The following DENND2D variants were observed in gnomAD, a reference collection of about 807,000 sequenced individuals.
DENND2D encodes the protein DENN domain-containing protein 2D.
A neutral mutation model predicts 59.8 loss-of-function variants in DENND2D; 37 were observed. The observed-to-expected ratio is 0.62, with a 90% CI of 0.48 to 0.81. The LOEUF (loss-of-function observed/expected upper bound fraction) is 0.81, where lower values mean the gene tolerates loss of function less well. DENND2D is among the 40% of genes least tolerant of loss of function. DENND2D has a pLI of 0.00. For synonymous variants in DENND2D, 219 were observed against 211.3 expected (o/e 1.04, Z -0.31); for missense variants, 525 against 579.7 (o/e 0.91, Z 0.97).
intron 6 of DENND2D, 174 bp downstream of exon 6, chr1:111,195,742 G>A (rs1658168062): frequency 2.4e-6 from 2 of 841,002 alleles, no homozygotes; most frequent in Non-Finnish European, 1.9e-6. Flanking sequence ...CAAGTTAGAA[G>A]GATCAGAAAA....
chr1:111,198,697 G>A lies in DENND2D; in HGVS notation c.289C>T (p.Leu97Phe). 6.2e-7 allele frequency: 1 copy of A among 1,614,190 alleles called. No individual in the cohort carries two copies. The highest frequency in any genetic ancestry group is 8.5e-7 in the Non-Finnish European group (1 of 1,180,042). ...AAGCAGAACAAGGGGATAGCTTTGA[G>A]CAGCCGCTCCTCCTCCTCCTGCTGA... The part of the protein sequence containing the change: ...RGQQEEEERL[L>F]KAIPLFCFPD... Residue 97 changes from leucine to phenylalanine, a missense_variant, in exon 3 of 12, where the codon CTC becomes TTC. Physicochemically the swap from Leu to Phe is conservative, Grantham distance 22. Around this residue, in one of 3 missense-constraint regions of DENND2D, gnomAD observed 253 missense variants for 246.4 expected, o/e 1.03. Coordinates refer to ENST00000357640, the MANE Select transcript of DENND2D (RefSeq NM_024901.5).
intron 8 of DENND2D, among the ~76,000 whole-genome samples, chr1:111,189,781 A>C (rs1657561424): frequency 6.6e-6 from 1 of 152,142 alleles, no homozygotes; most frequent in African/African-American, 2.4e-5. Flanking sequence ...CTCTCTCTAC[A>C]ATTCCCCTTC....
rs933220770 is a variant in DENND2D at position 111,189,892 on chromosome 1, T to C, written c.973-639A>G. ...CTATTAGAAAAACTCCTGCCTCTCG[T>C]GGTGGCTCACGCCTGTAATCCCAGC... On this transcript the variant is annotated intron_variant, in intron 8 of 11. Coordinates refer to ENST00000357640, the MANE Select transcript of DENND2D (RefSeq NM_024901.5). Among the ~76,000 whole-genome samples the C allele has an allele frequency of 5.3e-5, 8 of 152,106 alleles. No individual in the cohort carries two copies. In the East Asian group the frequency reaches 5.8e-4, roughly 11 times the overall value.
chr1:111,196,949 G>C (rs1256028126), intron 5 of DENND2D: 3 of 511,200 alleles, frequency 5.9e-6, no homozygotes, highest in Admixed American at 3.1e-5. Flanking sequence ...TACTTGGCTA[G>C]AGTGGGAACA....
At chr1:111,190,081 G>A (rs532189349) in intron 8 of DENND2D, among the ~76,000 whole-genome samples, 8 of 149,860 alleles carry the variant, frequency 5.3e-5, no homozygotes, top group South Asian at 2.1e-4. Context: ...GGAGAATGGC[G>A]TGAACCCGGG....
In DENND2D at chr1:111,192,193, C is replaced by T. The variant is rs267597922; in HGVS notation, c.919G>A (p.Val307Ile). Reference protein sequence around the residue: ...ATVCCPTPFMVGVQMRFQQEV... With the variant: ...ATVCCPTPFMIGVQMRFQQEV... ...TGCTGGAAGCGCATTTGTACTCCAA[C>T]CATGAAGGGGGTGGGGCAGCAGACG... Residue 307 changes from valine (V) to isoleucine (I), a missense_variant, in exon 8 of 12, where the codon GTT (valine) becomes ATT (isoleucine). Val to Ile is a conservative substitution (Grantham distance 29). This residue lies in a region of DENND2D where 225 missense variants were observed against 252.4 expected (regional missense o/e 0.89). Coordinates refer to ENST00000357640, the MANE Select transcript of DENND2D (RefSeq NM_024901.5). 6.2e-7 allele frequency: 1 copy of T among 1,613,828 alleles called. No homozygotes were observed. The highest frequency in any genetic ancestry group is 8.5e-7 in the Non-Finnish European group (1 of 1,179,818).
intron 8 of DENND2D, among the ~76,000 whole-genome samples, chr1:111,190,312 C>T (rs1185981475): frequency 1.3e-5 from 2 of 152,150 alleles, no homozygotes; most frequent in Non-Finnish European, 2.9e-5. Flanking sequence ...GAGATAAGCA[C>T]TGGGCTGGAA....
At chr1:111,199,237 C>G (rs1658559518) in intron 2 of DENND2D, among the ~76,000 whole-genome samples, 2 of 152,078 alleles carry the variant, frequency 1.3e-5, no homozygotes, top group African/African-American at 4.8e-5. Context: ...TACAAGGCTG[C>G]CCCACTCTTT....
intron 8 of DENND2D, among the ~76,000 whole-genome samples, chr1:111,190,707 T>C (rs1017332553): frequency 1.3e-5 from 2 of 152,188 alleles, no homozygotes; most frequent in East Asian, 3.9e-4. Context: ...TTGTGACCCT[T>C]GGTCTTGATA....
intron 8 of DENND2D, among the ~76,000 whole-genome samples, chr1:111,190,163 CAAA>C (rs533745407): frequency 4.7e-5 from 4 of 85,302 alleles, no homozygotes; most frequent in African/African-American, 1.4e-4. Context: ...GACTCTGTCT[CAAA>C]AAAAAAAAAA....
At chr1:111,202,729 C>CACACA (rs1658933478), upstream of DENND2D, among the ~76,000 whole-genome samples, 3 of 60,716 alleles carry the variant, frequency 4.9e-5, no homozygotes, top group East Asian at 8.9e-4. Flanking sequence ...ACACACACTC[C>CACACA]CTCCTAATAC....
chr1:111,187,774 TC>T, intron 11 of DENND2D, 93 bp from the exon 12 acceptor site: 2 of 1,016,096 alleles, frequency 2.0e-6, no homozygotes, highest in Non-Finnish European at 3.0e-6. Context: ...TCCTGTCTGC[TC>T]CCCATACTGC....
intron 1 of DENND2D, 73 bp downstream of exon 1, chr1:111,200,320 C>T: frequency 1.3e-6 from 2 of 1,547,736 alleles, no homozygotes; most frequent in African/African-American, 1.4e-5. Flanking sequence ...GAGGAAGGAG[C>T]ATTTCAAGGA....
Position 111,188,132 on chromosome 1 carries a change from T to C in DENND2D, c.1338A>G (p.Ala446=). 2 of 1,614,218 alleles carry C rather than the reference T, an allele frequency of 1.2e-6. No individual in the cohort carries two copies. Among genetic ancestry groups the C allele is most frequent in the Non-Finnish European group, 1.7e-6 (2 of 1,180,018 alleles). ...GACTGATGGGGACTGTTACTGTACC[T>C]GCAGGAGGATTCTTGCTCTTCTCGG... The part of the protein sequence containing the change: ...QEAEKSKNPP[A]GYFQQKILEY... Residue 446 remains alanine, a splice_region_variant and synonymous_variant, in exon 11 of 12, where the codon GCA becomes GCG. Coordinates refer to ENST00000357640, the MANE Select transcript of DENND2D (RefSeq NM_024901.5).
chr1:111,204,196 ACGCCCCGTGCCGC>A, upstream of DENND2D: 4 of 1,262,244 alleles, frequency 3.2e-6, no homozygotes, highest in Non-Finnish European at 4.1e-6. Flanking sequence ...CCGGATCTCG[ACGCCCCGTGCCGC>A]CCTCCACCGG....
At position 111,186,797 on chromosome 1, in the gene DENND2D, G is replaced by A. The variant is rs75916644; in HGVS notation, c.*808C>T. On this transcript the variant is annotated 3_prime_UTR_variant, in exon 12 of 12. Coordinates refer to ENST00000357640, the MANE Select transcript of DENND2D (RefSeq NM_024901.5). Reference sequence around the variant, plus strand: ...AGGACTAGTGCAAACTGAAAGTGATGGGGAAACAGACCTACGTATGGAAGC... The same window carrying A: ...AGGACTAGTGCAAACTGAAAGTGATAGGGAAACAGACCTACGTATGGAAGC... Among the ~76,000 whole-genome samples, 1 of 152,292 alleles carries A rather than the reference G, an allele frequency of 6.6e-6. No individual in the cohort carries two copies. The highest frequency in any genetic ancestry group is 1.9e-4 in the East Asian group (1 of 5,182).
chr1:111,197,832 C>T (rs778917912), intron 4 of DENND2D, 88 bp downstream of exon 4: 558 of 1,590,748 alleles, frequency 3.5e-4, no homozygotes, highest in South Asian at 8.5e-4. Flanking sequence ...CCAATAAGCC[C>T]GGAGTTTTGC....
intron 7 of DENND2D, among the ~76,000 whole-genome samples, chr1:111,192,573 A>G (rs914235207): frequency 1.3e-5 from 2 of 152,194 alleles, no homozygotes; most frequent in Admixed American, 1.3e-4. Flanking sequence ...AGTCTTCTCA[A>G]CTTACTACTG....
At chr1:111,204,054 C>T (rs1659067587), upstream of DENND2D, 1 of 436,870 alleles carries the variant, frequency 2.3e-6, no homozygotes, top group Non-Finnish European at 4.0e-6. Context: ...TCCTGTGTCC[C>T]GCCGCCTCCC....
Sources: allele counts gnomAD v4.1 joint callset (sites outside exome capture counted in the v4.1 genomes callset), GRCh38; gene constraint gnomAD v4.1.1; regional missense constraint gnomAD v4.1.1; transcripts MANE v1.5; gene names NCBI Gene and HGNC (gene_info 2026-07-23, HGNC 2026-07-21).